The following STK11 variants were observed in gnomAD, a reference collection of about 807,000 sequenced individuals.
The protein encoded by STK11 is serine/threonine kinase 11, also known as serine/threonine-protein kinase STK11.
A neutral mutation model predicts 47.3 loss-of-function variants in STK11; 8 were observed. The observed-to-expected ratio is 0.17, with a 90% CI of 0.10 to 0.31. The LOEUF (loss-of-function observed/expected upper bound fraction) is 0.31, where lower values mean the gene tolerates loss of function less well. STK11 is among the 10% of genes least tolerant of loss of function. STK11 has a pLI of 1.00. For missense variants in STK11, 475 were observed against 605.0 expected, an observed-to-expected ratio of 0.79 and a Z score of 2.25; for synonymous variants, 330 against 255.8, an observed-to-expected ratio of 1.29 and a Z score of -2.77.
chr19:1,209,196 A>G (rs1461012220), intron 1 of STK11, among the ~76,000 whole-genome samples: 1 of 87,348 alleles, frequency 1.1e-5, no homozygotes, highest in Non-Finnish European at 2.9e-5. Context: ...TCTCTGTGAG[A>G]TGGGTTGGTC....
intron 8 of STK11, chr19:1,225,800 C>T (rs1318950932): frequency 6.1e-6 from 6 of 985,448 alleles, no homozygotes; most frequent in Middle Eastern, 5.2e-4. Context: ...CACCACGGCT[C>T]CTCGCAGGGA....
intron 9 of STK11, chr19:1,226,873 G>A: frequency 3.3e-6 from 2 of 602,464 alleles, no homozygotes; most frequent in Non-Finnish European, 5.5e-6. Flanking sequence ...GCTGGTCATG[G>A]AGGCCTACGT....
chr19:1,218,767 G>C (rs916010676), intron 2 of STK11, among the ~76,000 whole-genome samples: 37 of 152,238 alleles, frequency 2.4e-4, no homozygotes, highest in African/African-American at 8.0e-4. Flanking sequence ...AGGCTAACCA[G>C]GGGTGTAGCC....
intron 1 of STK11, among the ~76,000 whole-genome samples, chr19:1,210,602 G>A (rs1206045742): frequency 2.0e-5 from 3 of 152,250 alleles, no homozygotes; most frequent in Admixed American, 2.0e-4. Flanking sequence ...GGGCATGTTC[G>A]GTCATGCCTG....
Position 1,220,591 on chromosome 19 carries a change from C to T in STK11, c.608C>T (p.Pro203Leu), listed in dbSNP as rs587782379. ...ACGGCACCGCCACAGGCACTGCACC[C>T]GTTCGCGGCGGACGACACCTGCCGG... The part of the protein sequence containing the change: ...SDLGVAEALH[P>L]FAADDTCRTS... Residue 203 changes from proline (P) to leucine (L), a missense_variant, in exon 5 of 10, where the codon CCG becomes CTG. This residue lies in a region of STK11 where 130 missense variants were observed against 239.7 expected (regional missense o/e 0.54). Coordinates refer to ENST00000326873, the MANE Select transcript of STK11 (RefSeq NM_000455.5). The T allele has an allele frequency of 3.8e-5, 61 of 1,585,902 alleles. No individual in the cohort carries two copies. The highest frequency in any genetic ancestry group is 4.5e-5 in the Non-Finnish European group (53 of 1,166,028).
In STK11 at chr19:1,227,806, C is replaced by A. The variant is rs547028801; in HGVS notation, c.*230C>A. ...GGCAGTGCACGCGGCTTGTTGACTT[C>A]GCAGCCCCGGGCGGAGCCTTCCCGG... On this transcript the variant is annotated 3_prime_UTR_variant, in exon 10 of 10. Transcript: ENST00000326873. The A allele has an allele frequency of 4.7e-6, 5 of 1,073,082 alleles. No individual in the cohort carries two copies. The highest frequency in any genetic ancestry group is 5.7e-6 in the Non-Finnish European group (5 of 884,182). 66.5% of individuals were successfully genotyped at this position (1,073,082 alleles called of 1,614,324 possible). A position where few individuals can be genotyped will look rare whatever the true frequency, so the allele number is the denominator to read the frequency against.
At chr19:1,223,219 A>T (rs1312947550) in intron 8 of STK11, 47 bp downstream of exon 8, 3 of 1,577,930 alleles carry the variant, frequency 1.9e-6, no homozygotes, top group Admixed American at 3.6e-5. Context: ...CTCGGCCAGG[A>T]TGTCCCACGG....
rs587780716 is a variant in STK11 at position 1,218,427 on chromosome 19, C to G, written c.301C>G (p.Leu101Val). ...GEANVKKEIQ[L>V]LRRLRHKNVI... ...TCCTCTCTGTCCCAGGGAAATTCAA[C>G]TACTGAGGAGGTTACGGCACAAAAA... is the stretch of plus-strand genomic sequence containing the variant. The change falls in exon 2 of 10, where the codon CTA becomes GTA. Residue 101 changes from leucine (L) to valine (V), a missense_variant. Leu to Val is a conservative substitution (Grantham distance 32). Transcript: ENST00000326873. The G allele has an allele frequency of 5.0e-6, 8 of 1,613,482 alleles. No homozygotes were observed. The highest frequency in any genetic ancestry group is 6.8e-6 in the Non-Finnish European group (8 of 1,179,740).
intron 9 of STK11, 121 bp downstream of exon 9, chr19:1,226,784 C>T (rs2080826508): frequency 1.6e-6 from 2 of 1,259,258 alleles, no homozygotes; most frequent in South Asian, 1.7e-5. Flanking sequence ...GCGTGGTTGC[C>T]ATGTGGCCTT....
intron 1 of STK11, among the ~76,000 whole-genome samples, chr19:1,210,521 A>G (rs1273162676): frequency 1.3e-5 from 2 of 152,164 alleles, no homozygotes; most frequent in African/African-American, 2.4e-5. Context: ...TCCCGCTCTC[A>G]CCGGCAAAAA....
At chr19:1,222,892 T>C in intron 7 of STK11, 93 bp from the exon 8 acceptor site, 2 of 1,386,614 alleles carry the variant, frequency 1.4e-6, no homozygotes, top group South Asian at 1.4e-5. Flanking sequence ...CCTGAGTGTG[T>C]GGCAGGTACC....
rs576015985 is a variant in STK11 at position 1,208,860 on chromosome 19, A to T, written c.290+1657A>T. Among the ~76,000 whole-genome samples, 12 of 147,130 alleles carry T rather than the reference A, an allele frequency of 8.2e-5. No individual in the cohort carries two copies. In the East Asian group the frequency reaches 2.5e-3, roughly 30 times the overall value. On this transcript the variant is annotated intron_variant, in intron 1 of 9. Coordinates refer to ENST00000326873, the MANE Select transcript of STK11 (RefSeq NM_000455.5). ...TTGGTCTTGAACTTCTGACCTCGTG[A>T]TCCACCTGCCTCAGCCTCCCAAAGT...
chr19:1,211,710 C>T (rs537288686), intron 1 of STK11, among the ~76,000 whole-genome samples: 6 of 152,248 alleles, frequency 3.9e-5, no homozygotes, highest in African/African-American at 1.2e-4. Context: ...TCACTGCTGC[C>T]GTAGGAAACG....
intron 2 of STK11, among the ~76,000 whole-genome samples, chr19:1,219,000 C>T (rs923001687): frequency 4.6e-5 from 7 of 152,170 alleles, no homozygotes; most frequent in South Asian, 2.1e-4. Context: ...GCCCTGGGAC[C>T]GTCCTGCATG....
rs1275059028 is a variant in STK11, at chr19:1,206,135, G to C, written c.-779G>C. 8 of 148,036 alleles carry C rather than the reference G, an allele frequency of 5.4e-5. No individual in the cohort carries two copies. Among genetic ancestry groups the C allele is most frequent in the Non-Finnish European group, 9.0e-5 (6 of 66,510 alleles). 9.2% of individuals were successfully genotyped at this position (148,036 alleles called of 1,614,324 possible). On this transcript the variant is annotated 5_prime_UTR_variant, in exon 1 of 10. Coordinates refer to ENST00000326873, the MANE Select transcript of STK11 (RefSeq NM_000455.5). Reference sequence around the variant, plus strand: ...CGCTCGGGCAGACGTTTGCGGGGAGGGGGGCGCCTGCCGGGCCCCGGCGAC... The same window carrying C: ...CGCTCGGGCAGACGTTTGCGGGGAGCGGGGCGCCTGCCGGGCCCCGGCGAC...
At chr19:1,224,439 G>T in intron 8 of STK11, 1 of 985,396 alleles carries the variant, frequency 1.0e-6, no homozygotes, top group Non-Finnish European at 1.2e-6. Context: ...GCTGCAATTT[G>T]ACCCCAGGCC....
At chr19:1,224,362 G>A (rs1383101388) in intron 8 of STK11, 1 of 985,400 alleles carries the variant, frequency 1.0e-6, no homozygotes, top group African/African-American at 1.7e-5. Context: ...AGGTGCTGCT[G>A]GGTACCCTGG....
intron 8 of STK11, chr19:1,223,668 G>C (rs1386925341): frequency 9.5e-7 from 1 of 1,055,874 alleles, no homozygotes; most frequent in Non-Finnish European, 1.1e-6. Context: ...GCAGGGCTTA[G>C]AGCGGAGCGC....
intron 1 of STK11, among the ~76,000 whole-genome samples, chr19:1,214,717 C>T (rs2080734018): frequency 6.6e-6 from 1 of 152,178 alleles, no homozygotes; most frequent in South Asian, 2.1e-4. Context: ...TGTGCTGGAG[C>T]CTGGGTGGGT....
Sources: gnomAD v4.1 joint callset for allele counts (sites outside exome capture counted in the v4.1 genomes callset) on GRCh38, gnomAD v4.1.1 for gene constraint, gnomAD v4.1.1 regional missense constraint, MANE v1.5 for transcripts, NCBI Gene and HGNC (gene_info 2026-07-23, HGNC 2026-07-21) for gene names.